Variants in WDR90 observed in about 807,000 individuals in gnomAD.
WDR90 encodes WD repeat domain 90.
WDR90 carries 238 observed loss-of-function variants against 195.2 expected under a neutral mutation model. That is an observed-to-expected ratio of 1.22 (90% CI 1.10 to 1.36). The LOEUF is 1.36. WDR90 is among the 40% of genes most tolerant of loss of function. WDR90 has a pLI of 0.00. For synonymous variants in WDR90, 1,265 were observed against 1,052.4 expected, an observed-to-expected ratio of 1.20 and a Z score of -3.91; for missense variants, 2,734 against 2,439.5, an observed-to-expected ratio of 1.12 and a Z score of -2.54.
Position 667,788 on chromosome 16 carries a change from C to G in WDR90, c.*199C>G, listed in dbSNP as rs1164525643. On this transcript the variant is annotated 3_prime_UTR_variant, in exon 41 of 41. Coordinates refer to ENST00000293879, the MANE Select transcript of WDR90 (RefSeq NM_145294.5). ...CCTGTTGCCCTTTTGCCTAAGAAAT[C>G]TTTAATGTTTCTATCTTGTAATAAA... 1 of 730,656 alleles carries G rather than the reference C, an allele frequency of 1.4e-6. No individual in the cohort carries two copies. Among genetic ancestry groups the G allele is most frequent in the African/African-American group, 1.8e-5 (1 of 56,884 alleles). The allele number at this position is 730,656 out of a possible 1,614,324, so 45.3% of individuals were successfully genotyped here. A position where few individuals can be genotyped will look rare whatever the true frequency, so the allele number is the denominator to read the frequency against.
In WDR90 at chr16:659,017, TGCCTACTCTCAGCTGTGTCTGCCTAG is replaced by T. The variant is rs1477686912; in HGVS notation, c.3011+10_3011+35del. On this transcript the variant is annotated splice_region_variant and intron_variant, in intron 24 of 40. Transcript: ENST00000293879. ...GTCCTGGCCCCTACTGAGAGGCAAG[TGCCTACTCTCAGCTGTGTCTGCCTAG>T]GCCCCCCAGGCCCTCCTGAAACCCT... The T allele has an allele frequency of 6.8e-6, 11 of 1,613,016 alleles. No homozygotes were observed. Among genetic ancestry groups the T allele is most frequent in the Non-Finnish European group, 7.6e-6 (9 of 1,179,888 alleles).
Position 667,768 on chromosome 16 carries a change from T to C in WDR90, c.*179T>C, listed in dbSNP as rs763813221. On this transcript the variant is annotated 3_prime_UTR_variant, in exon 41 of 41. Coordinates refer to ENST00000293879, the MANE Select transcript of WDR90 (RefSeq NM_145294.5). Reference sequence around the variant, plus strand: ...GCCCTGTGAATACTTTCATACCTGTTGCCCTTTTGCCTAAGAAATCTTTAA... The same window carrying C: ...GCCCTGTGAATACTTTCATACCTGTCGCCCTTTTGCCTAAGAAATCTTTAA... 1 of 808,352 alleles carries C rather than the reference T, an allele frequency of 1.2e-6. No individual in the cohort carries two copies. Among genetic ancestry groups the C allele is most frequent in the South Asian group, 1.5e-5 (1 of 66,800 alleles). The allele number at this position is 808,352 out of a possible 1,614,324, so 50.1% of individuals were successfully genotyped here. A position where few individuals can be genotyped will look rare whatever the true frequency, so the allele number is the denominator to read the frequency against.
chr16:660,705 C>T lies in WDR90; in HGVS notation c.3382C>T (p.Pro1128Ser). ...GNGRANMVWR[P>S]DTGFFAYTCG... Reference sequence around the variant, plus strand: ...TGGGCGGGCCAACATGGTCTGGAGGCCGGACACAGGTGGGGGCCAAGAGCC... The same window carrying T: ...TGGGCGGGCCAACATGGTCTGGAGGTCGGACACAGGTGGGGGCCAAGAGCC... The change falls in exon 28 of 41, where the codon CCG (proline) becomes TCG (serine). Residue 1128 changes from proline (P) to serine (S), a missense_variant. Pro to Ser is a moderately conservative substitution (Grantham distance 74). Transcript: ENST00000293879. 6.4e-7 allele frequency: 1 copy of T among 1,567,250 alleles called. No homozygotes were observed. Among genetic ancestry groups the T allele is most frequent in the South Asian group, 1.2e-5 (1 of 85,598 alleles).
At chr16:657,064 C>T in intron 19 of WDR90, 27 bp from the exon 20 acceptor site, 1 of 1,593,660 alleles carries the variant, frequency 6.3e-7, no homozygotes, top group Non-Finnish European at 8.5e-7. Flanking sequence ...GGGGCTAGGG[C>T]CAGCGGGGTC....
chr16:663,436 A>G, intron 34 of WDR90: 1 of 146,486 alleles, frequency 6.8e-6, no homozygotes, highest in Non-Finnish European at 1.2e-5. Context: ...TCCATCTCAA[A>G]GGAAAAAAAA....
chr16:666,610 T>C lies in WDR90; in HGVS notation c.4884+12T>C. ...CTGCCACCACGGAGGTAAACCATGC[T>C]CCTGGCACTGTGGGTGGGGCCGGTA... On this transcript the variant is annotated intron_variant, in intron 38 of 40. Transcript: ENST00000293879. 1 of 1,612,106 alleles carries C rather than the reference T, an allele frequency of 6.2e-7. No individual in the cohort carries two copies. Among genetic ancestry groups the C allele is most frequent in the Non-Finnish European group, 8.5e-7 (1 of 1,179,554 alleles).
rs761660275 is a variant in WDR90 at position 653,400 on chromosome 16, C to T, written c.1182C>T (p.Val394=). The T allele has an allele frequency of 3.1e-6, 5 of 1,609,324 alleles. No homozygotes were observed. The highest frequency in any genetic ancestry group is 1.7e-4 in the Middle Eastern group (1 of 6,014). ...ACCCCTGCCATGCGGTCATCGTCGT[C>T]CTGCTCGTGGACACGGGGGAGCAGC... ...VVYPCHAVIV[V]LLVDTGEQRF... is the part of the protein sequence containing the mutation. Residue 394 remains valine (V), a synonymous_variant, in exon 11 of 41, where the codon GTC becomes GTT. Coordinates refer to ENST00000293879, the MANE Select transcript of WDR90 (RefSeq NM_145294.5).
chr16:660,951 C>CCTCAGGCCCCGCCCCCTGG (rs1567220460), intron 28 of WDR90, 100 bp from the exon 29 acceptor site: 4 of 394,686 alleles, frequency 1.0e-5, no homozygotes, highest in Non-Finnish European at 6.0e-6. Flanking sequence ...CGCCCCACGG[C>CCTCAGGCCCCGCCCCCTGG]TCGGCCCAGG....
chr16:666,050 T>G lies in WDR90; in HGVS notation c.4535T>G (p.Val1512Gly). The G allele has an allele frequency of 1.2e-6, 2 of 1,606,652 alleles. No individual in the cohort carries two copies. Among genetic ancestry groups the G allele is most frequent in the South Asian group, 2.2e-5 (2 of 91,070 alleles). Residue 1512 changes from valine (V) to glycine (G), a missense_variant, in exon 36 of 41, where the codon GTC (valine) becomes GGC (glycine). Val to Gly is a moderately radical substitution (Grantham distance 109). Coordinates refer to ENST00000293879, the MANE Select transcript of WDR90 (RefSeq NM_145294.5). ...YGDGSLRIFS[V>G]SRTAMELKMH... ...GACGGCTCCCTGCGCATCTTCAGCG[T>G]CTCCCGCACGGCCATGGAGCTCAAG...
intron 22 of WDR90, 48 bp from the exon 23 acceptor site, chr16:658,477 T>G (rs2037810260): frequency 6.3e-7 from 1 of 1,587,710 alleles, no homozygotes; most frequent in Non-Finnish European, 8.6e-7. Context: ...CCCAGGCTGC[T>G]GGCCACTCTC....
In WDR90 at chr16:660,993, CCT is replaced by C. The variant is rs1329067985; in HGVS notation, c.3392-56_3392-55del. The stretch of plus-strand genomic sequence containing the variant: ...CCCCTGTTCGGCCCCTCCCCAGGCC[CCT>C]CCCCGCCCCCCCCCCCCCCCGGCCC... On this transcript the variant is annotated intron_variant, in intron 28 of 40. Transcript: ENST00000293879. The C allele has an allele frequency of 6.3e-3, 509 of 80,980 alleles. 83 individuals carry two copies. The highest frequency in any genetic ancestry group is 0.061 in the African/African-American group (130 of 2,122). 5.0% of individuals were successfully genotyped at this position (80,980 alleles called of 1,614,324 possible).
At chr16:654,301 A>G (rs116487704) in intron 13 of WDR90, 3,549 of 155,484 alleles carry the variant, frequency 0.023, 151 homozygotes, top group African/African-American at 0.081. Flanking sequence ...CCTCCCCGCC[A>G]GCTGGACTCC....
intron 28 of WDR90, 122 bp from the exon 29 acceptor site, chr16:660,929 A>T (rs2037884268): frequency 5.3e-6 from 3 of 568,846 alleles, no homozygotes; most frequent in African/African-American, 1.1e-4. Context: ...GACGATGCTA[A>T]CCCCTTGGCC....
intron 14 of WDR90, 73 bp downstream of exon 14, chr16:655,220 C>T (rs762334326): frequency 1.4e-5 from 22 of 1,612,206 alleles, no homozygotes; most frequent in Non-Finnish European, 1.8e-5. Context: ...CCGAGCACCT[C>T]CCCCTGGCTT....
chr16:658,574 A>G lies in WDR90; in HGVS notation c.2816A>G (p.Asp939Gly). 1 of 1,612,664 alleles carries G rather than the reference A, an allele frequency of 6.2e-7. No individual in the cohort carries two copies. The highest frequency in any genetic ancestry group is 8.5e-7 in the Non-Finnish European group (1 of 1,179,882). Residue 939 changes from aspartate to glycine, a missense_variant, in exon 23 of 41, where the codon GAC becomes GGC. Asp to Gly is a moderately conservative substitution (Grantham distance 94, BLOSUM62 -1). Coordinates refer to ENST00000293879, the MANE Select transcript of WDR90 (RefSeq NM_145294.5). ...EPCPSLTLSE[D>G]ARFLLIAAGR... ...TGCCCCTCCTTGACGCTCAGTGAGG[A>G]CGCCCGCTTCCTGCTGATTGCCGCC... is the stretch of plus-strand genomic sequence containing the variant.
intron 23 of WDR90, 77 bp downstream of exon 23, chr16:658,730 G>A (rs966613770): frequency 7.0e-6 from 11 of 1,571,164 alleles, no homozygotes; most frequent in Non-Finnish European, 9.5e-6. Context: ...TGCAGGTGTG[G>A]GTGGGGGCAG....
intron 6 of WDR90, 28 bp from the exon 7 acceptor site, chr16:651,171 G>A: frequency 1.9e-6 from 3 of 1,613,254 alleles, no homozygotes; most frequent in Non-Finnish European, 2.5e-6. Flanking sequence ...TGGGCCCCCA[G>A]ACACTGACTC....
chr16:651,131 G>A (rs1221409733), intron 6 of WDR90, 28 bp downstream of exon 6: 3 of 1,613,100 alleles, frequency 1.9e-6, no homozygotes, highest in Non-Finnish European at 2.5e-6. Context: ...TTTCGAGGGA[G>A]GCCTCGGTGG....
Position 655,046 on chromosome 16 carries a change from C to A in WDR90, c.1455C>A (p.Gly485=), listed in dbSNP as rs369200211. The A allele has an allele frequency of 6.2e-7, 1 of 1,612,478 alleles. No homozygotes were observed. Among genetic ancestry groups the A allele is most frequent in the African/African-American group, 1.3e-5 (1 of 74,930 alleles). Residue 485 remains glycine (G), a synonymous_variant, in exon 14 of 41, where the codon GGC becomes GGA. Coordinates refer to ENST00000293879, the MANE Select transcript of WDR90 (RefSeq NM_145294.5). ...TGTTGCAGATGGTGGTGGCCTGGGG[C>A]ACCGGCCAGGTGGGCCTCGGTGGCG... ...HHGRTMVVAW[G]TGQVGLGGEV...
Sources: allele counts gnomAD v4.1 joint callset, GRCh38; gene constraint gnomAD v4.1.1; transcripts MANE v1.5; gene names NCBI Gene and HGNC (gene_info 2026-07-23, HGNC 2026-07-21).